NKAIN2: variants seen among roughly 807,000 people sequenced by gnomAD.
The protein encoded by NKAIN2 is sodium/potassium-transporting ATPase subunit beta-1-interacting protein 2.
NKAIN2 carries 14 observed loss-of-function variants against 32.6 expected under a neutral mutation model. That is an observed-to-expected ratio of 0.43 (90% CI 0.28 to 0.67). NKAIN2 has a LOEUF of 0.67. NKAIN2 is among the 30% of genes least tolerant of loss of function. The probability of loss-of-function intolerance (pLI) is 0.17; values close to 1 mark genes in which losing one functional copy is unlikely to be tolerated. For missense variants in NKAIN2, 198 were observed against 258.3 expected, an observed-to-expected ratio of 0.77 and a Z score of 1.60; for synonymous variants, 80 against 87.2, an observed-to-expected ratio of 0.92 and a Z score of 0.46.
At chr6:124,037,317 T>C (rs933263588) in intron 1 of NKAIN2, among the ~76,000 whole-genome samples, 1 of 152,308 alleles carries the variant, frequency 6.6e-6, no homozygotes, top group South Asian at 2.1e-4. Flanking sequence ...TCTTTGGTTC[T>C]TTTAATGACA....
At chr6:124,472,672 C>T (rs994802998) in intron 3 of NKAIN2, among the ~76,000 whole-genome samples, 2 of 149,480 alleles carry the variant, frequency 1.3e-5, no homozygotes, top group South Asian at 4.2e-4. Context: ...TAACATTTAA[C>T]GTGTGATTAT....
rs1775120546 is a variant in NKAIN2 at position 123,846,950 on chromosome 6, A to G, written c.54+42696A>G. 3.3e-5 allele frequency among the ~76,000 whole-genome samples: 5 copies of G among 152,192 alleles called. No individual in the cohort carries two copies. The South Asian group carries it at 8.3e-4, about 25-fold the overall frequency. ...TGGAGATGGAGATAAACGGATGAAC[A>G]TGTCCTTATCGCACATTCAGTCCAG... On this transcript the variant is annotated intron_variant, in intron 1 of 6. Transcript: ENST00000368417.
chr6:124,343,853 A>G (rs1798266889), intron 2 of NKAIN2, among the ~76,000 whole-genome samples: 1 of 140,056 alleles, frequency 7.1e-6, no homozygotes, highest in Admixed American at 7.3e-5. Context: ...CCATTTGTCA[A>G]TTTTGGCTTT....
At chr6:124,346,059 G>A (rs9385324) in intron 2 of NKAIN2, among the ~76,000 whole-genome samples, 20,382 of 151,858 alleles carry the variant, frequency 0.13, 1,507 homozygotes, top group African/African-American at 0.19. Context: ...GTTTCAAAGA[G>A]CATCTTTATT....
chr6:124,122,505 G>C (rs1384685382), intron 1 of NKAIN2, among the ~76,000 whole-genome samples: 1 of 151,916 alleles, frequency 6.6e-6, no homozygotes, highest in African/African-American at 2.4e-5. Flanking sequence ...CTCAACAAGG[G>C]GAAAGTAGAA....
chr6:124,784,644 G>A (rs1779420912), intron 4 of NKAIN2, among the ~76,000 whole-genome samples: 1 of 152,058 alleles, frequency 6.6e-6, no homozygotes, highest in South Asian at 2.1e-4. Context: ...TGACGCTGGG[G>A]TTGCGCCCAC....
chr6:123,988,176 A>T (rs888698053), intron 1 of NKAIN2, among the ~76,000 whole-genome samples: 5 of 152,218 alleles, frequency 3.3e-5, no homozygotes, highest in African/African-American at 1.2e-4. Context: ...GAAAGATATC[A>T]ATAAGGAATG....
intron 1 of NKAIN2, among the ~76,000 whole-genome samples, chr6:124,064,560 C>T: frequency 6.6e-6 from 1 of 151,944 alleles, no homozygotes; most frequent in East Asian, 1.9e-4. Flanking sequence ...ATCTCCAGAT[C>T]TATTTCTCTA....
intron 4 of NKAIN2, among the ~76,000 whole-genome samples, chr6:124,722,388 T>C (rs919917478): frequency 3.9e-5 from 6 of 152,184 alleles, no homozygotes; most frequent in African/African-American, 1.2e-4. Context: ...AAGGCAGCAG[T>C]CCTCAAACTT....
chr6:123,980,553 A>G (rs1360225864), intron 1 of NKAIN2, among the ~76,000 whole-genome samples: 3 of 152,244 alleles, frequency 2.0e-5, no homozygotes, highest in Non-Finnish European at 4.4e-5. Flanking sequence ...CCAGCAGTTT[A>G]TACCATGTCA....
chr6:124,809,721 C>T lies in NKAIN2; in HGVS notation c.536-8666C>T, dbSNP rs1452833239. ...AACCCACAAAATGGGAGAAAATTTT[C>T]ACAACCTACTCATCTGACAAAGGGC... On this transcript the variant is annotated intron_variant, in intron 5 of 6. Transcript: ENST00000368417. Among the ~76,000 whole-genome samples the T allele has an allele frequency of 2.6e-5, 4 of 151,830 alleles. No homozygotes were observed. The South Asian group carries it at 6.3e-4, about 24-fold the overall frequency.
intron 1 of NKAIN2, among the ~76,000 whole-genome samples, chr6:124,196,934 A>G (rs185993607): frequency 3.3e-5 from 5 of 152,068 alleles, no homozygotes; most frequent in Admixed American, 2.0e-4. Flanking sequence ...ATAGACATGC[A>G]CAAGAACATA....
intron 1 of NKAIN2, among the ~76,000 whole-genome samples, chr6:123,823,007 A>G (rs1323861496): frequency 1.3e-5 from 2 of 151,560 alleles, no homozygotes; most frequent in East Asian, 3.9e-4. Flanking sequence ...TCCTTATTAT[A>G]TGTTCAAAGC....
chr6:124,490,335 C>G (rs1777811727), intron 3 of NKAIN2: 2 of 430,394 alleles, frequency 4.6e-6, no homozygotes, highest in Non-Finnish European at 9.2e-6. Context: ...TAAACACTTT[C>G]TAGATGGAAT....
intron 2 of NKAIN2, among the ~76,000 whole-genome samples, chr6:124,309,762 A>G (rs1796644187): frequency 6.6e-6 from 1 of 151,996 alleles, no homozygotes; most frequent in Admixed American, 6.6e-5. Context: ...AGTGCCTGGG[A>G]TTTTTACTGG....
rs200339010 is a variant in NKAIN2 at position 123,810,069 on chromosome 6, G to GT, written c.54+5824dup. Among the ~76,000 whole-genome samples the GT allele has an allele frequency of 2.8e-4, 43 of 151,366 alleles. No homozygotes were observed. The South Asian group carries it at 2.9e-3, about 10-fold the overall frequency. ...TGGAAGCTTGTTCTTGGCTAAATAT[G>GT]TTTTTTTTTCCCCCCACTGAATCCT... On this transcript the variant is annotated intron_variant, in intron 1 of 6. Coordinates refer to ENST00000368417, the MANE Select transcript of NKAIN2 (RefSeq NM_001040214.3).
At chr6:124,552,011 T>C (rs1780305417) in intron 3 of NKAIN2, among the ~76,000 whole-genome samples, 1 of 152,208 alleles carries the variant, frequency 6.6e-6, no homozygotes, top group African/African-American at 2.4e-5. Flanking sequence ...GCATGACCCG[T>C]TGCACAACAG....
intron 1 of NKAIN2, among the ~76,000 whole-genome samples, chr6:124,078,766 C>T (rs1783812187): frequency 6.8e-6 from 1 of 147,294 alleles, no homozygotes; most frequent in Non-Finnish European, 1.5e-5. Flanking sequence ...GTGAACAAGC[C>T]AAAAATGGCT....
intron 3 of NKAIN2, among the ~76,000 whole-genome samples, chr6:124,374,624 G>T (rs1034996140): frequency 3.3e-5 from 5 of 152,058 alleles, no homozygotes. Flanking sequence ...ACGCAACAAA[G>T]TTATAATTTT....
Sources: allele counts gnomAD v4.1 joint callset (sites outside exome capture counted in the v4.1 genomes callset), GRCh38; gene constraint gnomAD v4.1.1; transcripts MANE v1.5; gene names NCBI Gene and HGNC (gene_info 2026-07-23, HGNC 2026-07-21).